TRIP4: variants seen among roughly 807,000 people sequenced by gnomAD.
TRIP4 encodes the protein thyroid hormone receptor interactor 4.
A neutral mutation model predicts 81.8 loss-of-function variants in TRIP4; 54 were observed. That is an observed-to-expected ratio of 0.66 (90% CI 0.53 to 0.83). The LOEUF (loss-of-function observed/expected upper bound fraction) is 0.83, where lower values mean the gene tolerates loss of function less well. TRIP4 is among the 40% of genes least tolerant of loss of function. TRIP4 has a pLI of 0.00. For missense variants in TRIP4, 662 were observed against 683.6 expected (o/e 0.97, Z 0.35); for synonymous variants, 270 against 242.8 (o/e 1.11, Z -1.04).
chr15:64,454,204 TAGATG>T (rs1442283194), intron 12 of TRIP4, among the ~76,000 whole-genome samples: 1 of 151,856 alleles, frequency 6.6e-6, no homozygotes, highest in Non-Finnish European at 1.5e-5. Flanking sequence ...ACTATTGACT[TAGATG>T]AGACTTTTTG....
intron 11 of TRIP4, among the ~76,000 whole-genome samples, chr15:64,433,610 T>C (rs1297152120): frequency 6.6e-6 from 1 of 152,024 alleles, no homozygotes; most frequent in Non-Finnish European, 1.5e-5. Context: ...TCTCAAAAAA[T>C]AAATAAAAAA....
intron 4 of TRIP4, among the ~76,000 whole-genome samples, chr15:64,398,688 A>G (rs935235424): frequency 6.6e-6 from 1 of 152,092 alleles, no homozygotes; most frequent in African/African-American, 2.4e-5. Flanking sequence ...CTGTGACAGA[A>G]TCCTCAGATC....
rs537475525 is a variant in TRIP4, at chr15:64,419,463, A to G, written c.1358+735A>G. On this transcript the variant is annotated intron_variant, in intron 9 of 12. Transcript: ENST00000261884. ...AACCTCCGCCTCCCAGGTTCACGCC[A>G]TTCTCCTGCCTCAGCCTCCCAGGTA... is the stretch of plus-strand genomic sequence containing the variant. Among the ~76,000 whole-genome samples, 5 of 151,668 alleles carry G rather than the reference A, an allele frequency of 3.3e-5. No individual in the cohort carries two copies. The South Asian group carries it at 6.3e-4, about 19-fold the overall frequency.
At chr15:64,428,520 T>C (rs1246670101) in intron 11 of TRIP4, among the ~76,000 whole-genome samples, 1 of 152,234 alleles carries the variant, frequency 6.6e-6, no homozygotes, top group Non-Finnish European at 1.5e-5. Context: ...AACATTAAAA[T>C]ATAACAGAAG....
chr15:64,413,908 A>G (rs1891827936), intron 7 of TRIP4, among the ~76,000 whole-genome samples, 177 bp from the exon 8 acceptor site: 2 of 152,222 alleles, frequency 1.3e-5, no homozygotes, highest in South Asian at 4.1e-4. Context: ...TCATTAACTC[A>G]TATTCCTTAG....
chr15:64,428,453 C>T (rs752535636), intron 11 of TRIP4, among the ~76,000 whole-genome samples: 1 of 152,148 alleles, frequency 6.6e-6, no homozygotes, highest in Admixed American at 6.6e-5. Context: ...AGGAATCCTC[C>T]CATATGTTTC....
In TRIP4 at chr15:64,414,098, A is replaced by C; in HGVS notation, c.1057A>C (p.Ile353Leu). Residue 353 changes from isoleucine (I) to leucine (L), a missense_variant, in exon 8 of 13, where the codon ATA (isoleucine) becomes CTA (leucine). By Grantham distance (5) the Ile-to-Leu change is conservative. Coordinates refer to ENST00000261884, the MANE Select transcript of TRIP4 (RefSeq NM_016213.5). ...AEYHSRLDET[I>L]QAIANGTLNQ... is the part of the protein sequence containing the mutation. ...TTATTATCACAGACTAGATGAGACAATACAGGCCATTGCCAATGGAACCTT... is the reference window on the plus strand; with the variant it reads ...TTATTATCACAGACTAGATGAGACACTACAGGCCATTGCCAATGGAACCTT... 1 of 1,614,138 alleles carries C rather than the reference A, an allele frequency of 6.2e-7. No individual in the cohort carries two copies. The highest frequency in any genetic ancestry group is 1.1e-5 in the South Asian group (1 of 91,084).
chr15:64,391,511 A>G (rs911782487), intron 1 of TRIP4, among the ~76,000 whole-genome samples: 4 of 152,134 alleles, frequency 2.6e-5, no homozygotes, highest in East Asian at 3.9e-4. Context: ...CACAGAGTTA[A>G]CAAAATAAAC....
At chr15:64,418,475 AT>A in intron 8 of TRIP4, 65 bp from the exon 9 acceptor site, 1 of 1,465,128 alleles carries the variant, frequency 6.8e-7, no homozygotes, top group Non-Finnish European at 9.2e-7. Flanking sequence ...CATTCGCATC[AT>A]TTTGTCTACC....
chr15:64,397,867 G>A (rs371617983), intron 4 of TRIP4, 49 bp downstream of exon 4: 37 of 1,568,438 alleles, frequency 2.4e-5, no homozygotes, highest in East Asian at 6.7e-5. Context: ...GTGTTAATAC[G>A]CAGAGCCAGT....
intron 11 of TRIP4, among the ~76,000 whole-genome samples, chr15:64,441,392 C>T (rs1195715236): frequency 2.0e-5 from 3 of 152,142 alleles, no homozygotes; most frequent in African/African-American, 7.2e-5. Flanking sequence ...CAAAAATCCC[C>T]GTCCTCATGG....
intron 7 of TRIP4, among the ~76,000 whole-genome samples, chr15:64,412,075 AT>A (rs1307337379): frequency 6.6e-6 from 1 of 152,142 alleles, no homozygotes; most frequent in African/African-American, 2.4e-5. Flanking sequence ...AAAAATTGCC[AT>A]TTTCAGACAT....
At chr15:64,445,817 A>G (rs1892621802) in intron 12 of TRIP4, among the ~76,000 whole-genome samples, 1 of 152,196 alleles carries the variant, frequency 6.6e-6, no homozygotes, top group African/African-American at 2.4e-5. Context: ...TTACCGGCAT[A>G]GTAAGTCGCT....
chr15:64,435,541 AATATTAT>A (rs1848702911), intron 11 of TRIP4, among the ~76,000 whole-genome samples: 2 of 150,090 alleles, frequency 1.3e-5, no homozygotes, highest in Middle Eastern at 3.4e-3. Flanking sequence ...AAAAAAAAAA[AATATTAT>A]TATTGCTTAG....
chr15:64,428,988 T>C (rs779119813), intron 11 of TRIP4, among the ~76,000 whole-genome samples: 1 of 152,198 alleles, frequency 6.6e-6, no homozygotes, highest in Non-Finnish European at 1.5e-5. Flanking sequence ...TTTTATCTTA[T>C]TTATTGAGTA....
chr15:64,436,122 C>T (rs1394196005), intron 11 of TRIP4, among the ~76,000 whole-genome samples: 1 of 152,004 alleles, frequency 6.6e-6, no homozygotes, highest in Non-Finnish European at 1.5e-5. Flanking sequence ...TGATGAAACC[C>T]TGTCTCTACT....
At chr15:64,414,300 A>G in intron 8 of TRIP4, 89 bp downstream of exon 8, 1 of 1,541,348 alleles carries the variant, frequency 6.5e-7, no homozygotes, top group Non-Finnish European at 8.8e-7. Flanking sequence ...GACTTCAGAT[A>G]CCAATCAGCT....
intron 6 of TRIP4, among the ~76,000 whole-genome samples, chr15:64,407,783 C>T (rs1452989940): frequency 6.6e-6 from 1 of 152,076 alleles, no homozygotes; most frequent in Non-Finnish European, 1.5e-5. Context: ...ATACCAGTTT[C>T]ATTATCTAGG....
At chr15:64,394,425 G>T (rs1900228266) in intron 2 of TRIP4, among the ~76,000 whole-genome samples, 4 of 152,006 alleles carry the variant, frequency 2.6e-5, no homozygotes, top group Admixed American at 2.6e-4. Flanking sequence ...CTAACACGGT[G>T]AAACCCCATC....
Sources: allele counts gnomAD v4.1 joint callset (sites outside exome capture counted in the v4.1 genomes callset), GRCh38; gene constraint gnomAD v4.1.1; transcripts MANE v1.5; gene names NCBI Gene and HGNC (gene_info 2026-07-23, HGNC 2026-07-21).